ROR2: variants seen among roughly 807,000 people sequenced by gnomAD.
ROR2 encodes the protein tyrosine-protein kinase transmembrane receptor ROR2.
ROR2 carries 33 observed loss-of-function variants against 74.9 expected under a neutral mutation model. The ratio of observed to expected loss-of-function variants is 0.44; its 90% CI spans 0.33 to 0.59. ROR2 has a LOEUF of 0.59. ROR2 is among the 20% of genes least tolerant of loss of function. ROR2 has a pLI of 0.02. For missense variants in ROR2, 1,216 were observed against 1,313.8 expected (o/e 0.93, Z 1.15); for synonymous variants, 586 against 558.7 (o/e 1.05, Z -0.69).
intron 1 of ROR2, among the ~76,000 whole-genome samples, chr9:91,932,069 G>A (rs572732813): frequency 7.2e-5 from 11 of 152,210 alleles, no homozygotes; most frequent in African/African-American, 2.4e-4. Context: ...AAAAAAGAGG[G>A]AGCTGCTTTT....
intron 1 of ROR2, among the ~76,000 whole-genome samples, chr9:91,832,367 CAAAAAAAAAAAA>C (rs10677451): frequency 4.7e-4 from 18 of 38,340 alleles, no homozygotes; most frequent in South Asian, 3.5e-3. Flanking sequence ...GTCACAATGG[CAAAAAAAAAAAA>C]AAAAAAAAAA....
chr9:91,742,869 G>A (rs1054797761), intron 4 of ROR2, among the ~76,000 whole-genome samples: 30 of 152,256 alleles, frequency 2.0e-4, no homozygotes, highest in African/African-American at 7.2e-4. Flanking sequence ...CTATGTAAGT[G>A]TACCATTTCT....
At chr9:91,725,548 T>C (rs1162827980) in intron 8 of ROR2, among the ~76,000 whole-genome samples, 1 of 152,224 alleles carries the variant, frequency 6.6e-6, no homozygotes, top group Admixed American at 6.5e-5. Context: ...CTTTTTCTCA[T>C]GGACCCCACA....
intron 1 of ROR2, among the ~76,000 whole-genome samples, chr9:91,856,821 G>A (rs10992137): frequency 0.27 from 40,697 of 152,136 alleles, 5,828 homozygotes; most frequent in Admixed American, 0.43. Context: ...ACATGCACTG[G>A]GATGCTTGCT....
At chr9:91,774,243 C>T (rs775299303) in intron 2 of ROR2, among the ~76,000 whole-genome samples, 1 of 152,210 alleles carries the variant, frequency 6.6e-6, no homozygotes, top group Non-Finnish European at 1.5e-5. Flanking sequence ...AGCCTCCAAG[C>T]ACCAGGCACC....
At chr9:91,792,332 G>C (rs10992111) in intron 1 of ROR2, among the ~76,000 whole-genome samples, 6,303 of 147,492 alleles carry the variant, frequency 0.043, 358 homozygotes, top group Admixed American at 0.16. Flanking sequence ...TTTTGAGACG[G>C]AGTCTCGCTC....
At position 91,891,170 on chromosome 9, in the gene ROR2, C is replaced by T. The variant is rs560145043; in HGVS notation, c.97+58697G>A. On this transcript the variant is annotated intron_variant, in intron 1 of 8. Transcript: ENST00000375708. ...CTATGTATTAAGTTACGGTTCTGTA[C>T]ATCAGAAGTCTAAGAAGAGCATGGC... Among the ~76,000 whole-genome samples, 5 of 152,172 alleles carry T rather than the reference C, an allele frequency of 3.3e-5. No individual in the cohort carries two copies. In the South Asian group the frequency reaches 8.3e-4, roughly 25 times the overall value.
At chr9:91,813,592 T>A (rs777251720) in intron 1 of ROR2, among the ~76,000 whole-genome samples, 13 of 152,144 alleles carry the variant, frequency 8.5e-5, no homozygotes, top group Non-Finnish European at 1.6e-4. Context: ...GGAACCAAAC[T>A]GCAACGCAAT....
At chr9:91,874,140 A>G (rs796723215) in intron 1 of ROR2, among the ~76,000 whole-genome samples, 11 of 152,332 alleles carry the variant, frequency 7.2e-5, no homozygotes, top group African/African-American at 2.6e-4. Context: ...CAGGGCCTCA[A>G]GGAATCACCC....
At chr9:91,804,314 T>C (rs1389228023) in intron 1 of ROR2, among the ~76,000 whole-genome samples, 1 of 152,214 alleles carries the variant, frequency 6.6e-6, no homozygotes, top group Admixed American at 6.5e-5. Flanking sequence ...TTTGAAACGT[T>C]GAGGCAATTA....
chr9:91,892,440 G>A (rs1378456247), intron 1 of ROR2, among the ~76,000 whole-genome samples: 4 of 152,104 alleles, frequency 2.6e-5, no homozygotes, highest in Non-Finnish European at 5.9e-5. Context: ...GTTAAGTGGG[G>A]TAACTCTATA....
At chr9:91,913,051 C>T (rs1405625126) in intron 1 of ROR2, among the ~76,000 whole-genome samples, 1 of 152,104 alleles carries the variant, frequency 6.6e-6, no homozygotes, top group African/African-American at 2.4e-5. Flanking sequence ...ATCGCTTGAA[C>T]CCGGGAAGCA....
intron 1 of ROR2, among the ~76,000 whole-genome samples, chr9:91,839,729 G>GT (rs1225492317): frequency 4.6e-5 from 7 of 151,730 alleles, no homozygotes; most frequent in Admixed American, 6.6e-5. Context: ...TATGTGTGGT[G>GT]TGTGTGGTAT....
At chr9:91,810,515 C>T (rs1587740874) in intron 1 of ROR2, among the ~76,000 whole-genome samples, 2 of 152,216 alleles carry the variant, frequency 1.3e-5, no homozygotes, top group African/African-American at 4.8e-5. Flanking sequence ...GCCAACCCAG[C>T]TGGGACCCTC....
chr9:91,729,089 TA>T (rs5899140), intron 7 of ROR2, among the ~76,000 whole-genome samples: 72,415 of 144,632 alleles, frequency 0.5, 17,757 homozygotes, highest in Non-Finnish European at 0.54. Context: ...CTACTCACTG[TA>T]AAAAAAAAAA....
chr9:91,855,789 T>C (rs2119277145), intron 1 of ROR2, among the ~76,000 whole-genome samples: 1 of 151,994 alleles, frequency 6.6e-6, no homozygotes, highest in East Asian at 2.0e-4. Context: ...TCTGGGATGC[T>C]ACCTCAGAGA....
Position 91,726,748 on chromosome 9 carries a change from GAACAATA to G in ROR2, c.1184-12_1184-6del, listed in dbSNP as rs1200929509. 1 of 1,613,602 alleles carries G rather than the reference GAACAATA, an allele frequency of 6.2e-7. No homozygotes were observed. ...TCTTGCTGCTGTCTCGGGGACCTGTGAACAATAAGGCTTTCGTGATTTTTCAGAAAAC... is the reference window on the plus strand; with the variant it reads ...TCTTGCTGCTGTCTCGGGGACCTGTGAGGCTTTCGTGATTTTTCAGAAAAC... On this transcript the variant is annotated splice_polypyrimidine_tract_variant and splice_region_variant and intron_variant, in intron 7 of 8. Transcript: ENST00000375708.
chr9:91,902,712 G>C (rs937550936), intron 1 of ROR2, among the ~76,000 whole-genome samples: 9 of 152,220 alleles, frequency 5.9e-5, no homozygotes, highest in Non-Finnish European at 1.2e-4. Flanking sequence ...CGCTTCATCA[G>C]CATGGAGTTA....
At chr9:91,810,798 G>T (rs1395990631) in intron 1 of ROR2, among the ~76,000 whole-genome samples, 1 of 152,186 alleles carries the variant, frequency 6.6e-6, no homozygotes, top group African/African-American at 2.4e-5. Flanking sequence ...GTCTACGTTT[G>T]CGGGTCACAC....
Sources: allele counts gnomAD v4.1 joint callset (sites outside exome capture counted in the v4.1 genomes callset), GRCh38; gene constraint gnomAD v4.1.1; transcripts MANE v1.5; gene names NCBI Gene and HGNC (gene_info 2026-07-23, HGNC 2026-07-21).